The following FXR2 variants were observed in gnomAD, a reference collection of about 807,000 sequenced individuals.
FXR2 encodes the protein FMR1 autosomal homolog 2.
FXR2 carries 9 observed loss-of-function variants against 87.3 expected under a neutral mutation model. That is an observed-to-expected ratio of 0.10 (90% confidence interval 0.06 to 0.18). The LOEUF is 0.18. Ranked by LOEUF, FXR2 falls within the 10% of genes least tolerant of loss-of-function variation. The pLI is 1.00. For missense variants in FXR2, 661 were observed against 893.6 expected (o/e 0.74, Z 3.32); for synonymous variants, 331 against 328.3 (o/e 1.01, Z -0.09).
At chr17:7,612,802 C>A (rs1381317537) in intron 1 of FXR2, among the ~76,000 whole-genome samples, 1 of 151,862 alleles carries the variant, frequency 6.6e-6, no homozygotes, top group Admixed American at 6.6e-5. Flanking sequence ...CGAGACCATC[C>A]TGGCTAACAC....
intron 7 of FXR2, among the ~76,000 whole-genome samples, chr17:7,599,996 C>T (rs1188389237): frequency 1.3e-5 from 2 of 151,884 alleles, no homozygotes; most frequent in Non-Finnish European, 2.9e-5. Context: ...CTCCCAGGTT[C>T]AAGCGATTCT....
At position 7,593,151 on chromosome 17, in the gene FXR2, T is replaced by C; in HGVS notation, c.1361A>G (p.Glu454Gly). ...CTCCTCTCTCTTCTCTGACTCAGTC[T>C]CTGAAGCTGTAGACACATCTGAGCT... ...GPSSDVSTAS[E>G]TESEKREEPN... Residue 454 changes from glutamate to glycine, a missense_variant, in exon 13 of 17, where the codon GAG becomes GGG. By Grantham distance (98) the Glu-to-Gly change is moderately conservative (BLOSUM62 -2). Coordinates refer to ENST00000250113, the MANE Select transcript of FXR2 (RefSeq NM_004860.4). This position sits in a 1 kb window ranked among gnomAD's most constrained non-coding sequence, Gnocchi z 6.1. 6.5e-7 allele frequency: 1 copy of C among 1,543,598 alleles called. No homozygotes were observed. The highest frequency in any genetic ancestry group is 1.3e-5 in the South Asian group (1 of 79,420).
In FXR2 at chr17:7,592,218, A is replaced by G. The variant is rs201921127; in HGVS notation, c.1926+36T>C. On this transcript the variant is annotated intron_variant, in intron 16 of 16. Transcript: ENST00000250113. The surrounding 1 kb of genome is among the most constrained non-coding windows in gnomAD (Gnocchi z 4.8). ...GCCCCCTGCCCCAGAGTAACAACAA[A>G]AAAGGGATGGGGTAAAGCACATCTT... 1.3e-6 allele frequency: 2 copies of G among 1,557,244 alleles called. No individual in the cohort carries two copies. The highest frequency in any genetic ancestry group is 2.3e-5 in the East Asian group (1 of 44,306).
chr17:7,607,521 G>A (rs571841165), intron 1 of FXR2, among the ~76,000 whole-genome samples: 31 of 151,678 alleles, frequency 2.0e-4, no homozygotes, highest in Admixed American at 7.9e-4. Flanking sequence ...TCCACCCCCC[G>A]GGTTCAAGCA....
chr17:7,599,997 A>C (rs1410007623), intron 7 of FXR2, among the ~76,000 whole-genome samples: 3 of 151,932 alleles, frequency 2.0e-5, no homozygotes, highest in African/African-American at 2.4e-5. Context: ...TCCCAGGTTC[A>C]AGCGATTCTC....
In FXR2 at chr17:7,595,938, C is replaced by T; in HGVS notation, c.717G>A (p.Leu239=). ...FQEEFTVRED[L]MGLAIGTHGA... ...CGTGAGTCCCAATTGCCAGTCCCATCAGGTCCTCTCGCACTGTGAACTCCT... is the reference window on the plus strand; with the variant it reads ...CGTGAGTCCCAATTGCCAGTCCCATTAGGTCCTCTCGCACTGTGAACTCCT... The change falls in exon 8 of 17, where the codon CTG becomes CTA. Residue 239 remains leucine, a synonymous_variant. Coordinates refer to ENST00000250113, the MANE Select transcript of FXR2 (RefSeq NM_004860.4). This position sits in a 1 kb window ranked among gnomAD's most constrained non-coding sequence, Gnocchi z 4.7. 1.2e-6 allele frequency: 2 copies of T among 1,613,722 alleles called. No individual in the cohort carries two copies. The highest frequency in any genetic ancestry group is 1.7e-6 in the Non-Finnish European group (2 of 1,179,722).
chr17:7,601,609 C>A, intron 6 of FXR2, 84 bp from the exon 7 acceptor site: 1 of 839,676 alleles, frequency 1.2e-6, no homozygotes. Flanking sequence ...ATCAGGATGC[C>A]TAAGTCCCGG....
At chr17:7,611,672 AAAAAAAAAAG>A (rs1297259402) in intron 1 of FXR2, among the ~76,000 whole-genome samples, 2 of 147,968 alleles carry the variant, frequency 1.4e-5, no homozygotes, top group Non-Finnish European at 3.0e-5. Flanking sequence ...TGTCTCAAAT[AAAAAAAAAAG>A]GAAAAGAAAG....
At position 7,592,695 on chromosome 17, in the gene FXR2, C is replaced by T; in HGVS notation, c.1728G>A (p.Leu576=). Residue 576 remains leucine, a splice_region_variant and synonymous_variant, in exon 14 of 17, where the codon CTG becomes CTA. Coordinates refer to ENST00000250113, the MANE Select transcript of FXR2 (RefSeq NM_004860.4). This position sits in a 1 kb window ranked among gnomAD's most constrained non-coding sequence, Gnocchi z 4.8. ...TCCAGACCCCAGGCACACCCTCACC[C>T]AGGCCATTCTCTGTCATGTTGGGCC... ...SDGPNMTENG[L]EDESRPQRRN... 2 of 1,613,686 alleles carry T rather than the reference C, an allele frequency of 1.2e-6. No individual in the cohort carries two copies. The highest frequency in any genetic ancestry group is 1.7e-6 in the Non-Finnish European group (2 of 1,179,736).
intron 1 of FXR2, among the ~76,000 whole-genome samples, chr17:7,607,805 A>AT (rs1350126345): frequency 6.6e-6 from 1 of 151,454 alleles, no homozygotes; most frequent in Non-Finnish European, 1.5e-5. Flanking sequence ...ATTCTTATTT[A>AT]TTTTTTTGAG....
Position 7,591,870 on chromosome 17 carries a change from G to C in FXR2, c.1982C>G (p.Ala661Gly). ...KGPSENGELS[A>G]PLELGSMVNG... The stretch of plus-strand genomic sequence containing the variant: ...CACCATACTACCCAACTCCAAGGGG[G>C]CGGAGAGCTCCCCATTCTCCGAGGG... The change falls in exon 17 of 17, where the codon GCC (alanine) becomes GGC (glycine). Residue 661 changes from alanine to glycine, a missense_variant. Transcript: ENST00000250113. The surrounding 1 kb of genome is among the most constrained non-coding windows in gnomAD (Gnocchi z 4.0). 1 of 1,605,136 alleles carries C rather than the reference G, an allele frequency of 6.2e-7. No individual in the cohort carries two copies. Among genetic ancestry groups the C allele is most frequent in the Non-Finnish European group, 8.5e-7 (1 of 1,171,832 alleles).
Position 7,591,479 on chromosome 17 carries a change from G to A in FXR2, c.*351C>T. ...GATGGGAGGAGGGATAGCAGGGGAG[G>A]CCCCCTGAACGGTCAAATCTGGGTG... On this transcript the variant is annotated 3_prime_UTR_variant, in exon 17 of 17. Transcript: ENST00000250113. This position sits in a 1 kb window ranked among gnomAD's most constrained non-coding sequence, Gnocchi z 4.0. 1 of 277,550 alleles carries A rather than the reference G, an allele frequency of 3.6e-6. No homozygotes were observed. Among genetic ancestry groups the A allele is most frequent in the South Asian group, 3.4e-5 (1 of 29,182 alleles). 17.2% of individuals were successfully genotyped at this position (277,550 alleles called of 1,614,324 possible). A position where few individuals can be genotyped will look rare whatever the true frequency, so the allele number is the denominator to read the frequency against.
rs560322755 is a variant in FXR2 at position 7,592,809 on chromosome 17, G to C, written c.1614C>G (p.Pro538=). 29 of 1,613,380 alleles carry C rather than the reference G, an allele frequency of 1.8e-5. No individual in the cohort carries two copies. Among genetic ancestry groups the C allele is most frequent in the South Asian group, 1.2e-4 (11 of 91,012 alleles). ...EPPVDSEPGE[P]PPASARRRRS... ...GGCGGCGCCTGGCACTTGCTGGGGG[G>C]GGTTCCCCAGGTTCTGAATCAACCG... is the stretch of plus-strand genomic sequence containing the variant. Residue 538 remains proline (P), a synonymous_variant, in exon 14 of 17, where the codon CCC becomes CCG. Coordinates refer to ENST00000250113, the MANE Select transcript of FXR2 (RefSeq NM_004860.4). This position sits in a 1 kb window ranked among gnomAD's most constrained non-coding sequence, Gnocchi z 4.8.
At chr17:7,597,192 G>T (rs1442612952) in intron 7 of FXR2, among the ~76,000 whole-genome samples, 1 of 152,150 alleles carries the variant, frequency 6.6e-6, no homozygotes, top group East Asian at 1.9e-4. Flanking sequence ...AGGAACCCCT[G>T]GGTTCAGGGG....
chr17:7,608,395 T>A (rs1170114729), intron 1 of FXR2, among the ~76,000 whole-genome samples: 3 of 150,238 alleles, frequency 2.0e-5, no homozygotes, highest in African/African-American at 7.3e-5. Context: ...AGTTCGAGAC[T>A]AGTCTGGCCA....
intron 7 of FXR2, among the ~76,000 whole-genome samples, chr17:7,598,903 TG>T (rs2150942782): frequency 6.6e-6 from 1 of 152,250 alleles, no homozygotes; most frequent in East Asian, 1.9e-4. Context: ...CCCAGTACTT[TG>T]GGAGGCCAAG....
intron 1 of FXR2, among the ~76,000 whole-genome samples, chr17:7,607,973 G>A (rs1249809173): frequency 6.6e-6 from 1 of 151,358 alleles, no homozygotes; most frequent in Non-Finnish European, 1.5e-5. Context: ...GTATTTTTAA[G>A]AGAGACAGGG....
At chr17:7,612,852 C>T (rs2071881415) in intron 1 of FXR2, among the ~76,000 whole-genome samples, 1 of 151,664 alleles carries the variant, frequency 6.6e-6, no homozygotes, top group South Asian at 2.1e-4. Context: ...AAAAAATAGC[C>T]GGGCATGGTG....
At chr17:7,611,028 G>A (rs1001531110) in intron 1 of FXR2, among the ~76,000 whole-genome samples, 2 of 152,238 alleles carry the variant, frequency 1.3e-5, no homozygotes, top group South Asian at 4.1e-4. Flanking sequence ...AAGTACTGAA[G>A]CTGAGGATGC....
Sources: allele counts gnomAD v4.1 joint callset (sites outside exome capture counted in the v4.1 genomes callset), GRCh38; gene constraint gnomAD v4.1.1; non-coding constraint Gnocchi (gnomAD v3.1); transcripts MANE v1.5; gene names NCBI Gene and HGNC (gene_info 2026-07-23, HGNC 2026-07-21).